The following EPHA6 variants were observed in gnomAD, a reference collection of about 807,000 sequenced individuals.
EPHA6 encodes the protein EPH receptor A6.
A neutral mutation model predicts 112.0 loss-of-function variants in EPHA6; 50 were observed. That is an observed-to-expected ratio of 0.45 (90% confidence interval 0.36 to 0.56). The LOEUF is 0.56. Among genes scored for constraint, EPHA6 ranks in the 20% least tolerant of loss-of-function variants. The pLI is 0.00. For missense variants in EPHA6, 1,280 were observed against 1,417.4 expected (o/e 0.90, Z 1.56); for synonymous variants, 529 against 490.7 (o/e 1.08, Z -1.03).
At chr3:97,582,298 G>A (rs374834250) in intron 11 of EPHA6, among the ~76,000 whole-genome samples, 50 of 152,282 alleles carry the variant, frequency 3.3e-4, no homozygotes, top group African/African-American at 1.2e-3. Context: ...CAAAGTGCTA[G>A]CATTGCAGGT....
intron 2 of EPHA6, among the ~76,000 whole-genome samples, chr3:96,876,701 A>G (rs1056749328): frequency 6.6e-6 from 1 of 152,036 alleles, no homozygotes; most frequent in Admixed American, 6.6e-5. Context: ...AGTTTCTTCC[A>G]TATGACTTGC....
intron 10 of EPHA6, among the ~76,000 whole-genome samples, chr3:97,528,125 G>T (rs1439869760): frequency 6.6e-6 from 1 of 152,088 alleles, no homozygotes; most frequent in Non-Finnish European, 1.5e-5. Context: ...GTGTTTTGGG[G>T]TGGCACAATG....
intron 15 of EPHA6, among the ~76,000 whole-genome samples, chr3:97,733,612 T>C (rs2035131656): frequency 6.6e-6 from 1 of 152,048 alleles, no homozygotes; most frequent in Non-Finnish European, 1.5e-5. Context: ...AGAAGTATAA[T>C]TCCTGCTTTC....
intron 3 of EPHA6, among the ~76,000 whole-genome samples, chr3:97,078,485 A>G (rs1035997631): frequency 6.6e-6 from 1 of 152,056 alleles, no homozygotes; most frequent in East Asian, 1.9e-4. Context: ...TATGTCCTGA[A>G]TGGTATTGCT....
At chr3:96,887,520 G>T (rs2037700152) in intron 2 of EPHA6, among the ~76,000 whole-genome samples, 1 of 152,130 alleles carries the variant, frequency 6.6e-6, no homozygotes, top group Non-Finnish European at 1.5e-5. Flanking sequence ...AGGACTCCTT[G>T]AAGGTTCCTA....
At chr3:97,295,260 T>C (rs1330953125) in intron 5 of EPHA6, among the ~76,000 whole-genome samples, 3 of 152,058 alleles carry the variant, frequency 2.0e-5, no homozygotes, top group African/African-American at 7.3e-5. Flanking sequence ...TAGACTTTTT[T>C]CATGCTTTTT....
chr3:97,750,537 A>G lies in EPHA6; in HGVS notation c.*1836A>G, dbSNP rs534700244. Among the ~76,000 whole-genome samples the G allele has an allele frequency of 7.9e-4, 120 of 151,970 alleles. No individual in the cohort carries two copies. Among genetic ancestry groups the G allele is most frequent in the African/African-American group, 2.8e-3 (116 of 41,494 alleles). On this transcript the variant is annotated 3_prime_UTR_variant, in exon 18 of 18. Coordinates refer to ENST00000389672, the MANE Select transcript of EPHA6 (RefSeq NM_001080448.3). ...ACTCCCGGCTAATTTTTGTATTTTT[A>G]GTAGAGACGGGGTTTCACCATGTTG...
intron 1 of EPHA6, among the ~76,000 whole-genome samples, chr3:96,843,891 A>G (rs79904035): frequency 6.6e-6 from 1 of 151,966 alleles, no homozygotes; most frequent in African/African-American, 2.4e-5. Flanking sequence ...TTATTATTTG[A>G]AAAAAACCCA....
chr3:97,239,266 G>C (rs564579006), intron 4 of EPHA6, among the ~76,000 whole-genome samples: 1 of 151,786 alleles, frequency 6.6e-6, no homozygotes, highest in African/African-American at 2.4e-5. Context: ...CCTATAGGAA[G>C]GCAATAATCA....
chr3:97,410,932 T>C (rs984480786), intron 6 of EPHA6, among the ~76,000 whole-genome samples: 1 of 152,132 alleles, frequency 6.6e-6, no homozygotes, highest in Non-Finnish European at 1.5e-5. Flanking sequence ...TTGTAGATGT[T>C]GTTGATCTGT....
chr3:97,446,649 T>TA (rs1249403153), intron 6 of EPHA6, among the ~76,000 whole-genome samples: 1 of 152,178 alleles, frequency 6.6e-6, no homozygotes, highest in Non-Finnish European at 1.5e-5. Flanking sequence ...CCATAACTCT[T>TA]ACGTTGTAGA....
In EPHA6 at chr3:96,814,996, T is replaced by C; in HGVS notation, c.373T>C (p.Ser125Pro). The C allele has an allele frequency of 1.3e-6, 2 of 1,520,170 alleles. No individual in the cohort carries two copies. The highest frequency in any genetic ancestry group is 1.8e-6 in the Non-Finnish European group (2 of 1,127,496). 94.2% of individuals were successfully genotyped at this position (1,520,170 alleles called of 1,614,324 possible). A position where few individuals can be genotyped will look rare whatever the true frequency, so the allele number is the denominator to read the frequency against. Residue 125 changes from serine (S) to proline (P), a missense_variant, in exon 1 of 18, where the codon TCC becomes CCC. Around this residue, in one of 4 missense-constraint regions of EPHA6, gnomAD observed 220 missense variants for 171.5 expected, o/e 1.28. Coordinates refer to ENST00000389672, the MANE Select transcript of EPHA6 (RefSeq NM_001080448.3). ...GTGGCCAGGCGACTGCAGTCACGTC[T>C]CCAACAACCAAGGTAAGGGACGGGG... is the stretch of plus-strand genomic sequence containing the variant. The part of the protein sequence containing the change: ...TAWPGDCSHV[S>P]NNQVVLLDTT...
intron 10 of EPHA6, among the ~76,000 whole-genome samples, chr3:97,516,772 A>T (rs922677854): frequency 6.6e-6 from 1 of 152,196 alleles, no homozygotes. Flanking sequence ...AATTAAATAA[A>T]AAAGATGAAA....
At chr3:97,069,816 T>G (rs1354564936) in intron 3 of EPHA6, among the ~76,000 whole-genome samples, 1 of 152,182 alleles carries the variant, frequency 6.6e-6, no homozygotes, top group African/African-American at 2.4e-5. Context: ...TAGGCTATGC[T>G]TTATGGTTAT....
intron 3 of EPHA6, among the ~76,000 whole-genome samples, chr3:97,053,275 G>A (rs2045744082): frequency 6.6e-6 from 1 of 152,090 alleles, no homozygotes; most frequent in African/African-American, 2.4e-5. Flanking sequence ...TAGAGGTTCT[G>A]TAGAGAGTAC....
intron 3 of EPHA6, among the ~76,000 whole-genome samples, chr3:97,129,390 T>C (rs901286120): frequency 1.3e-5 from 2 of 151,856 alleles, no homozygotes; most frequent in African/African-American, 4.8e-5. Context: ...TAGTCCCAGC[T>C]ACTCAGGAGG....
chr3:97,724,163 T>A (rs1017260822), intron 15 of EPHA6, among the ~76,000 whole-genome samples: 1 of 152,204 alleles, frequency 6.6e-6, no homozygotes, highest in Non-Finnish European at 1.5e-5. Flanking sequence ...TTTATGATTT[T>A]AAATTAGTTT....
intron 14 of EPHA6, among the ~76,000 whole-genome samples, chr3:97,654,234 T>C (rs2094124141): frequency 1.3e-5 from 2 of 151,948 alleles, no homozygotes. Context: ...CATCAAATTT[T>C]ATACCTTATA....
intron 1 of EPHA6, among the ~76,000 whole-genome samples, chr3:96,845,230 T>TA (rs1156343528): frequency 6.6e-6 from 1 of 152,120 alleles, no homozygotes; most frequent in Non-Finnish European, 1.5e-5. Flanking sequence ...TGGCAGCATG[T>TA]AAAAAAATGT....
Sources: gnomAD v4.1 joint callset for allele counts (sites outside exome capture counted in the v4.1 genomes callset) on GRCh38, gnomAD v4.1.1 for gene constraint, gnomAD v4.1.1 regional missense constraint, MANE v1.5 for transcripts, NCBI Gene and HGNC (gene_info 2026-07-23, HGNC 2026-07-21) for gene names.